The following SDK1 variants were observed in gnomAD, a reference collection of about 807,000 sequenced individuals.
SDK1 encodes protein sidekick-1.
In SDK1, 157 loss-of-function variants were observed where a neutral mutation model predicts 245.5. The observed-to-expected ratio is 0.64, with a 90% CI of 0.56 to 0.73. The LOEUF (loss-of-function observed/expected upper bound fraction) is 0.73, where lower values mean the gene tolerates loss of function less well. Among genes scored for constraint, SDK1 ranks in the 30% least tolerant of loss-of-function variants. The pLI, the probability that SDK1 is intolerant of heterozygous loss-of-function variation, is 0.00. For missense variants in SDK1, 3,583 were observed against 3,002.3 expected (o/e 1.19, Z -4.52); for synonymous variants, 1,647 against 1,278.5 (o/e 1.29, Z -6.15).
At chr7:3,756,673 G>A (rs1012461473) in intron 4 of SDK1, among the ~76,000 whole-genome samples, 5 of 151,780 alleles carry the variant, frequency 3.3e-5, no homozygotes, top group African/African-American at 9.7e-5. Context: ...ATGTCTTCTT[G>A]GTCTCCTCCA....
intron 28 of SDK1, among the ~76,000 whole-genome samples, chr7:4,136,368 C>G (rs1779092514): frequency 6.6e-6 from 1 of 152,212 alleles, no homozygotes; most frequent in East Asian, 1.9e-4. Context: ...TCGTCTGACT[C>G]ACTTTACATC....
At chr7:3,375,614 G>A (rs1781334931) in intron 1 of SDK1, among the ~76,000 whole-genome samples, 1 of 152,158 alleles carries the variant, frequency 6.6e-6, no homozygotes, top group Admixed American at 6.5e-5. Flanking sequence ...TGCTCTTGGG[G>A]GAGCTGGCTA....
intron 1 of SDK1, among the ~76,000 whole-genome samples, chr7:3,378,970 G>A (rs1056894946): frequency 6.6e-6 from 1 of 152,056 alleles, no homozygotes; most frequent in Admixed American, 6.5e-5. Flanking sequence ...CAGTTCAAAC[G>A]AGGACTTGCT....
intron 20 of SDK1, among the ~76,000 whole-genome samples, chr7:4,074,856 T>TACTTTCCCTCTC (rs1486926440): frequency 3.3e-4 from 24 of 72,236 alleles, no homozygotes; most frequent in South Asian, 5.1e-4. Context: ...GAGCAAGACT[T>TACTTTCCCTCTC]TCTCTCTCTC....
At chr7:3,643,963 C>T (rs1174360669) in intron 4 of SDK1, among the ~76,000 whole-genome samples, 3 of 150,446 alleles carry the variant, frequency 2.0e-5, no homozygotes, top group Non-Finnish European at 3.0e-5. Flanking sequence ...GGTACAGTGG[C>T]GTGATCTCAG....
chr7:3,498,845 C>CT (rs1333834576), intron 1 of SDK1, among the ~76,000 whole-genome samples: 1 of 151,346 alleles, frequency 6.6e-6, no homozygotes, highest in Admixed American at 6.6e-5. Context: ...ACTGAAGTCT[C>CT]TTTTTTGGGC....
At chr7:4,018,531 A>T (rs1407781480) in intron 17 of SDK1, among the ~76,000 whole-genome samples, 1 of 152,222 alleles carries the variant, frequency 6.6e-6, no homozygotes, top group Non-Finnish European at 1.5e-5. Context: ...ATGGCTGAAA[A>T]CCTGGACAGT....
intron 1 of SDK1, among the ~76,000 whole-genome samples, chr7:3,464,761 T>A (rs1390184544): frequency 1.3e-5 from 2 of 151,536 alleles, no homozygotes; most frequent in Non-Finnish European, 2.9e-5. Flanking sequence ...ATATTTCAAT[T>A]TTGACTTATT....
intron 2 of SDK1, among the ~76,000 whole-genome samples, chr7:3,627,715 G>T (rs183039674): frequency 6.6e-6 from 1 of 152,160 alleles, no homozygotes; most frequent in African/African-American, 2.4e-5. Context: ...CAACATGACC[G>T]ATTGATGTCC....
Position 4,076,891 on chromosome 7 carries a change from C to T in SDK1, c.3011-107C>T, listed in dbSNP as rs114281547. ...GGCTCTAAGCTGCCTTCAGCACATC[C>T]AGCCAAGCTCTCCATAGCTCCAAGC... On this transcript the variant is annotated intron_variant, in intron 20 of 44. Coordinates refer to ENST00000404826, the MANE Select transcript of SDK1 (RefSeq NM_152744.4). The T allele has an allele frequency of 3.2e-4, 312 of 975,996 alleles. 3 individuals are homozygous for T. In the African/African-American group the frequency reaches 4.2e-3, roughly 13 times the overall value. 60.5% of individuals were successfully genotyped at this position (975,996 alleles called of 1,614,324 possible). A position where few individuals can be genotyped will look rare whatever the true frequency, so the allele number is the denominator to read the frequency against.
intron 1 of SDK1, among the ~76,000 whole-genome samples, chr7:3,512,660 T>C (rs1782621296): frequency 6.6e-6 from 1 of 152,204 alleles, no homozygotes; most frequent in African/African-American, 2.4e-5. Flanking sequence ...TGATATGTTG[T>C]TGTTGATGAA....
chr7:4,182,778 T>A (rs1181000900), intron 35 of SDK1, among the ~76,000 whole-genome samples: 2 of 151,994 alleles, frequency 1.3e-5, no homozygotes, highest in Admixed American at 1.3e-4. Flanking sequence ...CTGGTGAGGG[T>A]GCACAGGCTG....
intron 1 of SDK1, among the ~76,000 whole-genome samples, chr7:3,516,942 C>G (rs577932764): frequency 6.6e-6 from 1 of 152,234 alleles, no homozygotes; most frequent in South Asian, 2.1e-4. Flanking sequence ...CTGCTGTTCT[C>G]AGATGTTGAT....
At chr7:3,960,295 A>T (rs879836365) in intron 8 of SDK1, among the ~76,000 whole-genome samples, 10 of 152,142 alleles carry the variant, frequency 6.6e-5, no homozygotes, top group Non-Finnish European at 8.8e-5. Flanking sequence ...AATACTGGGT[A>T]CCTAACTTAC....
Position 3,987,282 on chromosome 7 carries a change from C to G in SDK1, c.2091C>G (p.Asn697Lys), listed in dbSNP as rs745840773. Residue 697 changes from asparagine (N) to lysine (K), a missense_variant, in exon 14 of 45, where the codon AAC becomes AAG. Transcript: ENST00000404826. ...VLSWVRPFDGNSPILYYIVEL... is the reference protein window; with the variant it reads ...VLSWVRPFDGKSPILYYIVEL... ...CTTGGGTCCGGCCCTTTGATGGAAA[C>G]AGTCCTATTCTTTATTACATCGTGG... The G allele has an allele frequency of 1.9e-6, 3 of 1,614,098 alleles. No individual in the cohort carries two copies. The highest frequency in any genetic ancestry group is 1.7e-6 in the Non-Finnish European group (2 of 1,179,940).
intron 38 of SDK1, among the ~76,000 whole-genome samples, chr7:4,218,358 A>T (rs1584471577): frequency 6.6e-6 from 1 of 151,936 alleles, no homozygotes; most frequent in Admixed American, 6.6e-5. Context: ...GCACCACTGC[A>T]CTCCAGCCTG....
intron 5 of SDK1, among the ~76,000 whole-genome samples, chr7:3,845,668 G>A (rs1780260187): frequency 6.6e-6 from 1 of 151,016 alleles, no homozygotes; most frequent in Admixed American, 6.6e-5. Flanking sequence ...AGCATTCAGA[G>A]AGAATTCTCT....
chr7:3,783,088 T>C (rs1262396040), intron 4 of SDK1, among the ~76,000 whole-genome samples: 1 of 152,220 alleles, frequency 6.6e-6, no homozygotes, highest in Non-Finnish European at 1.5e-5. Flanking sequence ...ATAAATGTGA[T>C]ATATCACATT....
intron 4 of SDK1, among the ~76,000 whole-genome samples, chr7:3,743,302 G>A (rs925348996): frequency 6.6e-6 from 1 of 152,166 alleles, no homozygotes; most frequent in African/African-American, 2.4e-5. Context: ...GGCTTTCTTG[G>A]TGAGGTTTGA....
Sources: gnomAD v4.1 joint callset for allele counts (sites outside exome capture counted in the v4.1 genomes callset) on GRCh38, gnomAD v4.1.1 for gene constraint, MANE v1.5 for transcripts, NCBI Gene and HGNC (gene_info 2026-07-23, HGNC 2026-07-21) for gene names.